TLE6: variants seen among roughly 807,000 people sequenced by gnomAD.
The protein encoded by TLE6 is TLE family member 6, subcortical maternal complex member.
TLE6 carries 72 observed loss-of-function variants against 77.1 expected under a neutral mutation model. That is an observed-to-expected ratio of 0.93 (90% CI 0.77 to 1.14). The LOEUF (loss-of-function observed/expected upper bound fraction) is 1.14. Among genes scored for constraint, TLE6 ranks in the 50% most tolerant of loss-of-function variants. The pLI is 0.00. For synonymous variants in TLE6, 366 were observed against 287.3 expected (o/e 1.27, Z -2.77); for missense variants, 843 against 747.6 (o/e 1.13, Z -1.49).
chr19:2,992,793 A>AACGGGGGG (rs1487334518), intron 14 of TLE6, among the ~76,000 whole-genome samples: 749 of 19,708 alleles, frequency 0.038, 280 homozygotes, highest in Non-Finnish European at 0.045. Context: ...AAAAAAAAAA[A>AACGGGGGG]GGGGGGGAGG....
chr19:2,989,814 A>G, intron 13 of TLE6, 29 bp downstream of exon 13: 2 of 1,608,740 alleles, frequency 1.2e-6, no homozygotes, highest in South Asian at 2.2e-5. Context: ...AAGGGGAAGC[A>G]TCCTGTGCCA....
At chr19:2,982,792 C>T (rs1369739714) in intron 5 of TLE6, among the ~76,000 whole-genome samples, 1 of 152,110 alleles carries the variant, frequency 6.6e-6, no homozygotes, top group East Asian at 1.9e-4. Flanking sequence ...CAGTCCTGCT[C>T]CTTCCGCTCC....
intron 12 of TLE6, 110 bp from the exon 13 acceptor site, chr19:2,989,425 A>G: frequency 6.4e-7 from 1 of 1,573,534 alleles, no homozygotes; most frequent in Non-Finnish European, 8.6e-7. Flanking sequence ...GAAAAGGGGC[A>G]TAATAGCTAG....
chr19:2,990,514 G>T (rs1317059001), intron 13 of TLE6, among the ~76,000 whole-genome samples: 1 of 150,704 alleles, frequency 6.6e-6, no homozygotes, highest in Non-Finnish European at 1.5e-5. Context: ...TGAGGCAGGA[G>T]AATCCCTTGA....
intron 3 of TLE6, among the ~76,000 whole-genome samples, chr19:2,980,841 G>A (rs894680282): frequency 6.6e-6 from 1 of 150,820 alleles, no homozygotes; most frequent in Non-Finnish European, 1.5e-5. Context: ...GCTTGAGCCC[G>A]GAGTTCAATA....
At chr19:2,992,280 C>T (rs1327041983) in intron 14 of TLE6, among the ~76,000 whole-genome samples, 2 of 151,944 alleles carry the variant, frequency 1.3e-5, no homozygotes, top group Admixed American at 1.3e-4. Flanking sequence ...CAAGACGAGC[C>T]TGACCAACAT....
intron 8 of TLE6, 46 bp downstream of exon 8, chr19:2,987,418 C>G (rs755793503): frequency 5.0e-6 from 8 of 1,611,992 alleles, no homozygotes; most frequent in Non-Finnish European, 5.9e-6. Context: ...GGCTTCCGGG[C>G]AGGCGGTTGG....
intron 7 of TLE6, 42 bp downstream of exon 7, chr19:2,987,280 C>T (rs752804711): frequency 1.2e-6 from 2 of 1,614,154 alleles, no homozygotes; most frequent in Admixed American, 3.3e-5. Flanking sequence ...CAGCCACAGG[C>T]TGCGTCTCAG....
chr19:2,982,340 C>G (rs2088815029), intron 5 of TLE6, among the ~76,000 whole-genome samples, 151 bp downstream of exon 5: 1 of 146,094 alleles, frequency 6.8e-6, no homozygotes, highest in Non-Finnish European at 1.5e-5. Flanking sequence ...GAGTTCGAGA[C>G]CAGCCTGATC....
At chr19:2,988,750 C>A (rs7248550) in intron 11 of TLE6, among the ~76,000 whole-genome samples, 4 of 151,792 alleles carry the variant, frequency 2.6e-5, no homozygotes, top group Non-Finnish European at 5.9e-5. Flanking sequence ...CTGGGAGAAC[C>A]CAGGTGGGGC....
intron 5 of TLE6, among the ~76,000 whole-genome samples, chr19:2,983,219 T>A (rs1164752096): frequency 6.6e-6 from 1 of 152,052 alleles, no homozygotes. Context: ...TCAGCAGATA[T>A]TTATCCATCA....
intron 5 of TLE6, chr19:2,984,317 C>T: frequency 6.6e-6 from 1 of 151,166 alleles, no homozygotes; most frequent in Non-Finnish European, 1.5e-5. Context: ...TCACTGGCTG[C>T]CCCAGGAGGC....
At chr19:2,989,341 G>A (rs1283063090) in intron 12 of TLE6, 28 bp downstream of exon 12, 10 of 1,608,358 alleles carry the variant, frequency 6.2e-6, no homozygotes, top group Non-Finnish European at 7.6e-6. Context: ...TTCCAGGGAT[G>A]CAGGGCTTCT....
chr19:2,987,652 G>A, intron 8 of TLE6, 72 bp from the exon 9 acceptor site: 1 of 1,562,246 alleles, frequency 6.4e-7, no homozygotes, highest in Non-Finnish European at 8.8e-7. Context: ...TGTGCAAGCT[G>A]CCCAGGAATC....
intron 5 of TLE6, among the ~76,000 whole-genome samples, chr19:2,986,387 G>T (rs1473728267): frequency 6.6e-6 from 1 of 151,960 alleles, no homozygotes; most frequent in Non-Finnish European, 1.5e-5. Context: ...CTGCACTCCA[G>T]CCTGGGTGTC....
intron 11 of TLE6, among the ~76,000 whole-genome samples, chr19:2,988,356 G>A (rs993678791): frequency 6.6e-6 from 1 of 152,122 alleles, no homozygotes; most frequent in African/African-American, 2.4e-5. Context: ...CAGCACTTTG[G>A]GAGGCCGAGG....
chr19:2,993,097 G>A (rs546315956), intron 14 of TLE6, among the ~76,000 whole-genome samples: 1 of 148,012 alleles, frequency 6.8e-6, no homozygotes, highest in South Asian at 2.2e-4. Context: ...TGTAGTCCCA[G>A]CTACTCAAGA....
chr19:2,991,214 T>A (rs112018130), intron 13 of TLE6, among the ~76,000 whole-genome samples: 1 of 143,210 alleles, frequency 7.0e-6, no homozygotes, highest in African/African-American at 2.6e-5. Flanking sequence ...ACAAAATTAG[T>A]CAGGCGTGGT....
In TLE6 at chr19:2,978,249, C is replaced by T; in HGVS notation, c.16C>T (p.Gln6Ter). The change falls in exon 2 of 17, where the codon CAG becomes TAG. Residue 6 changes from glutamine (Q) to a stop codon, truncating the protein, a stop_gained. Transcript: ENST00000246112. LOFTEE classifies it high-confidence loss of function. MTSRD[Q>*]PRPKGPPKST... ...TGCCTTGAAGATGACCTCTAGGGACCAGCCCAGACCCAAGGGCCCCCCGAA... is the reference window on the plus strand; with the variant it reads ...TGCCTTGAAGATGACCTCTAGGGACTAGCCCAGACCCAAGGGCCCCCCGAA... The T allele has an allele frequency of 6.4e-7, 1 of 1,551,480 alleles. No individual in the cohort carries two copies. The highest frequency in any genetic ancestry group is 1.2e-5 in the South Asian group (1 of 84,058).
Sources: gnomAD v4.1 joint callset for allele counts (sites outside exome capture counted in the v4.1 genomes callset) on GRCh38, gnomAD v4.1.1 for gene constraint, MANE v1.5 for transcripts, NCBI Gene and HGNC (gene_info 2026-07-23, HGNC 2026-07-21) for gene names.